ACTL8: variants seen among roughly 807,000 people sequenced by gnomAD.
ACTL8 encodes actin like 8.
ACTL8 carries 3 observed loss-of-function variants against 9.3 expected under a neutral mutation model. That is an observed-to-expected ratio of 0.32 (90% CI 0.15 to 0.83). ACTL8 has a LOEUF of 0.83. Ranked by LOEUF, ACTL8 falls within the 40% of genes least tolerant of loss-of-function variation. The pLI, the probability that ACTL8 is intolerant of heterozygous loss-of-function variation, is 0.57. For missense variants in ACTL8, 381 were observed against 492.2 expected (o/e 0.77, Z 2.14); for synonymous variants, 224 against 205.9 (o/e 1.09, Z -0.75).
chr1:17,784,691 C>T (rs541534182), intron 1 of ACTL8, among the ~76,000 whole-genome samples: 8 of 152,310 alleles, frequency 5.3e-5, no homozygotes, highest in African/African-American at 1.4e-4. Flanking sequence ...ATTTATTCCT[C>T]ATGGGATAAG....
chr1:17,760,273 G>C (rs879525109), intron 1 of ACTL8, among the ~76,000 whole-genome samples: 1 of 152,154 alleles, frequency 6.6e-6, no homozygotes, highest in Non-Finnish European at 1.5e-5. Context: ...TGATGGATTC[G>C]ATGTGGGTCT....
At chr1:17,765,896 G>A (rs1234962410) in intron 1 of ACTL8, among the ~76,000 whole-genome samples, 1 of 152,182 alleles carries the variant, frequency 6.6e-6, no homozygotes, top group Non-Finnish European at 1.5e-5. Context: ...TAGGATGTGA[G>A]GCAGAGGTTC....
At position 17,826,076 on chromosome 1, in the gene ACTL8, G is replaced by A; in HGVS notation, c.658G>A (p.Glu220Lys). Residue 220 changes from glutamate (E) to lysine (K), a missense_variant, in exon 3 of 3, where the codon GAG becomes AAG. By Grantham distance (56) the Glu-to-Lys change is moderately conservative (BLOSUM62 1). This residue lies in a region of ACTL8 where 243 missense variants were observed against 276.2 expected (regional missense o/e 0.88). Transcript: ENST00000375406. The surrounding 1 kb of genome is among the most constrained non-coding windows in gnomAD (Gnocchi z 4.5). ...GTGCTACGTGCCGCAGAATCTGGGG[G>A]AGGCCCTGGACTTTCGTGAGAGGCA... ...NKCYVPQNLGEALDFRERQQS... is the reference protein window; with the variant it reads ...NKCYVPQNLGKALDFRERQQS... 3.1e-6 allele frequency: 5 copies of A among 1,607,934 alleles called. No individual in the cohort carries two copies. The highest frequency in any genetic ancestry group is 4.2e-6 in the Non-Finnish European group (5 of 1,179,900).
At chr1:17,785,931 T>A (rs1024338149) in intron 1 of ACTL8, among the ~76,000 whole-genome samples, 2 of 152,166 alleles carry the variant, frequency 1.3e-5, no homozygotes, top group African/African-American at 4.8e-5. Context: ...TGTGTTCTCA[T>A]CTAGAGGCTG....
At position 17,823,402 on chromosome 1, in the gene ACTL8, C is replaced by G; in HGVS notation, c.348+46C>G. ...CTCCCACTCGGGAGCGGGAAACAGA[C>G]TGACACTATGTCTGGACTGATTGGG... On this transcript the variant is annotated intron_variant, in intron 2 of 2. Coordinates refer to ENST00000375406, the MANE Select transcript of ACTL8 (RefSeq NM_030812.3). This position sits in a 1 kb window ranked among gnomAD's most constrained non-coding sequence, Gnocchi z 5.3. The G allele has an allele frequency of 5.8e-6, 9 of 1,545,302 alleles. No individual in the cohort carries two copies. Among genetic ancestry groups the G allele is most frequent in the Non-Finnish European group, 7.9e-6 (9 of 1,136,894 alleles).
At chr1:17,805,644 C>T (rs1301408625) in intron 1 of ACTL8, among the ~76,000 whole-genome samples, 4 of 152,110 alleles carry the variant, frequency 2.6e-5, no homozygotes, top group East Asian at 1.9e-4. Flanking sequence ...TCCCAAAGTG[C>T]TGGGATTACA....
intron 1 of ACTL8, among the ~76,000 whole-genome samples, chr1:17,781,183 CTG>C (rs751637610): frequency 5.9e-5 from 9 of 151,616 alleles, no homozygotes; most frequent in Non-Finnish European, 1.2e-4. Flanking sequence ...GCCTTCCTCT[CTG>C]TGTGTCTGTG....
rs558611194 is a variant in ACTL8 at position 17,796,785 on chromosome 1, G to C, written c.-24-26200G>C. Reference sequence around the variant, plus strand: ...TTCAAGCTTCTTCAGCAGCTGAGAGGATGCTCTAGACTTAGATTGCAACGA... The same window carrying C: ...TTCAAGCTTCTTCAGCAGCTGAGAGCATGCTCTAGACTTAGATTGCAACGA... On this transcript the variant is annotated intron_variant, in intron 1 of 2. Transcript: ENST00000375406. 6.6e-5 allele frequency among the ~76,000 whole-genome samples: 10 copies of C among 152,358 alleles called. No individual in the cohort carries two copies. The East Asian group carries it at 1.7e-3, about 26-fold the overall frequency.
At chr1:17,816,472 A>G (rs750704391) in intron 1 of ACTL8, among the ~76,000 whole-genome samples, 5 of 152,192 alleles carry the variant, frequency 3.3e-5, no homozygotes, top group South Asian at 2.1e-4. Context: ...CCAAAGTGCT[A>G]GTATTACAGG....
At chr1:17,808,802 A>G (rs2066375911) in intron 1 of ACTL8, among the ~76,000 whole-genome samples, 1 of 152,152 alleles carries the variant, frequency 6.6e-6, no homozygotes, top group Non-Finnish European at 1.5e-5. Context: ...GATGGAAGTG[A>G]ATTTTAGGCA....
At chr1:17,813,189 G>A (rs972725476) in intron 1 of ACTL8, among the ~76,000 whole-genome samples, 2 of 152,174 alleles carry the variant, frequency 1.3e-5, no homozygotes, top group African/African-American at 2.4e-5. Flanking sequence ...TTGAATATGC[G>A]TGGTGAGGAC....
At chr1:17,799,978 G>A (rs531439364) in intron 1 of ACTL8, among the ~76,000 whole-genome samples, 16 of 152,258 alleles carry the variant, frequency 1.1e-4, no homozygotes, top group Admixed American at 3.3e-4. Flanking sequence ...TGTCTTAGCC[G>A]TTTCTATTGC....
In ACTL8 at chr1:17,755,911, G is replaced by A. The variant is rs187325713; in HGVS notation, c.-25+407G>A. On this transcript the variant is annotated intron_variant, in intron 1 of 2. Transcript: ENST00000375406. Reference sequence around the variant, plus strand: ...AGGTCTCTATCTCAGCCTGATATGGGGGTCTCTTTTTGGGGCTCTATTTCA... The same window carrying A: ...AGGTCTCTATCTCAGCCTGATATGGAGGTCTCTTTTTGGGGCTCTATTTCA... Among the ~76,000 whole-genome samples, 1,094 of 151,408 alleles carry A rather than the reference G, an allele frequency of 7.2e-3. 40 individuals are homozygous for A. The highest frequency in any genetic ancestry group is 0.062 in the Admixed American group (942 of 15,242).
chr1:17,818,780 C>G (rs1400595100), intron 1 of ACTL8, among the ~76,000 whole-genome samples: 1 of 152,178 alleles, frequency 6.6e-6, no homozygotes, highest in African/African-American at 2.4e-5. Flanking sequence ...TTCTTTTTCT[C>G]CGCTGTACTG....
At chr1:17,821,087 T>C (rs1486013075) in intron 1 of ACTL8, among the ~76,000 whole-genome samples, 1 of 152,204 alleles carries the variant, frequency 6.6e-6, no homozygotes, top group African/African-American at 2.4e-5. Flanking sequence ...CATCCATCTA[T>C]CTTCTTTGGT....
intron 1 of ACTL8, among the ~76,000 whole-genome samples, chr1:17,760,521 CCATTTT>C (rs1406584811): frequency 6.6e-6 from 1 of 152,150 alleles, no homozygotes; most frequent in African/African-American, 2.4e-5. Flanking sequence ...AACAGGACTG[CCATTTT>C]TAGGTGTTTC....
chr1:17,762,818 G>A (rs1178266986), intron 1 of ACTL8, among the ~76,000 whole-genome samples: 1 of 152,162 alleles, frequency 6.6e-6, no homozygotes, highest in Non-Finnish European at 1.5e-5. Flanking sequence ...GCCCCAGGTG[G>A]CAGTGGAGGG....
At chr1:17,774,635 C>T (rs1450582758) in intron 1 of ACTL8, among the ~76,000 whole-genome samples, 3 of 152,048 alleles carry the variant, frequency 2.0e-5, no homozygotes, top group African/African-American at 7.2e-5. Context: ...CTGGGGTAGG[C>T]ATGTGCCTGG....
chr1:17,756,398 G>T (rs539718799), intron 1 of ACTL8, among the ~76,000 whole-genome samples: 9 of 151,778 alleles, frequency 5.9e-5, no homozygotes, highest in African/African-American at 2.2e-4. Context: ...TTAGCGGGGG[G>T]TTGTTTATCA....
Sources: gnomAD v4.1 joint callset for allele counts (sites outside exome capture counted in the v4.1 genomes callset) on GRCh38, gnomAD v4.1.1 for gene constraint, gnomAD v4.1.1 regional missense constraint, Gnocchi (gnomAD v3.1) non-coding constraint, MANE v1.5 for transcripts, NCBI Gene and HGNC (gene_info 2026-07-23, HGNC 2026-07-21) for gene names.